Variants in NTRK2 observed in about 807,000 individuals in gnomAD.
NTRK2 encodes the protein BDNF/NT-3 growth factors receptor.
NTRK2 carries 13 observed loss-of-function variants against 94.5 expected under a neutral mutation model. That is an observed-to-expected ratio of 0.14 (90% CI 0.09 to 0.22). The LOEUF is 0.22. Among genes scored for constraint, NTRK2 ranks in the 10% least tolerant of loss-of-function variants. The probability of loss-of-function intolerance (pLI) is 1.00; values close to 1 mark genes in which losing one functional copy is unlikely to be tolerated. For missense variants in NTRK2, 639 were observed against 1,071.2 expected (o/e 0.60, Z 5.63); for synonymous variants, 372 against 407.4 (o/e 0.91, Z 1.05).
At chr9:84,710,966 T>G (rs2061384967) in intron 6 of NTRK2, among the ~76,000 whole-genome samples, 175 bp downstream of exon 6, 1 of 152,228 alleles carries the variant, frequency 6.6e-6, no homozygotes. Context: ...AGTAGAATAT[T>G]AATTCAGAGT....
At chr9:84,744,856 G>A (rs1353757043) in intron 10 of NTRK2, 117 bp from the exon 11 acceptor site, 2 of 817,410 alleles carry the variant, frequency 2.4e-6, no homozygotes, top group Non-Finnish European at 4.4e-6. Flanking sequence ...GACTGTCGGG[G>A]GTTTGGAATC....
chr9:84,715,801 C>A (rs2061677410), intron 6 of NTRK2, among the ~76,000 whole-genome samples: 1 of 152,094 alleles, frequency 6.6e-6, no homozygotes, highest in Admixed American at 6.5e-5. Context: ...CTGCTCAATT[C>A]CTGCACACTT....
intron 2 of NTRK2, among the ~76,000 whole-genome samples, chr9:84,685,054 C>T (rs140904565): frequency 6.6e-6 from 1 of 151,362 alleles, no homozygotes; most frequent in East Asian, 1.9e-4. Context: ...ATAAAATGAG[C>T]AATTTTATAT....
chr9:84,999,879 A>T (rs888931022), intron 17 of NTRK2, among the ~76,000 whole-genome samples: 2 of 152,070 alleles, frequency 1.3e-5, no homozygotes, highest in Non-Finnish European at 2.9e-5. Context: ...CCACACTTTC[A>T]TGTCCTCTGC....
intron 14 of NTRK2, among the ~76,000 whole-genome samples, chr9:84,914,255 T>C (rs915219051): frequency 1.3e-5 from 2 of 152,220 alleles, no homozygotes; most frequent in African/African-American, 2.4e-5. Context: ...TAATTGCTCA[T>C]TGAAGCATTT....
chr9:84,725,704 C>T (rs1013318293), intron 8 of NTRK2, among the ~76,000 whole-genome samples: 5 of 149,342 alleles, frequency 3.3e-5, no homozygotes, highest in Non-Finnish European at 5.9e-5. Flanking sequence ...TAGGGTCTCC[C>T]CAAATTATAT....
At chr9:84,697,752 G>A (rs2060475197) in intron 2 of NTRK2, among the ~76,000 whole-genome samples, 1 of 152,224 alleles carries the variant, frequency 6.6e-6, no homozygotes, top group Non-Finnish European at 1.5e-5. Context: ...TCCATGCGGA[G>A]GCTGTGGAGC....
At chr9:84,917,847 A>G (rs1000138287) in intron 14 of NTRK2, among the ~76,000 whole-genome samples, 6 of 152,192 alleles carry the variant, frequency 3.9e-5, no homozygotes, top group East Asian at 1.9e-4. Flanking sequence ...TCCTGTTTGC[A>G]TTGATTGCGT....
rs1307220299 is a variant in NTRK2, at chr9:85,023,195, A to G, written c.*1758A>G. The G allele has an allele frequency of 8.6e-6, 2 of 232,992 alleles. No individual in the cohort carries two copies. The highest frequency in any genetic ancestry group is 4.4e-5 in the African/African-American group (2 of 45,332). The allele number at this position is 232,992 out of a possible 1,614,324, so 14.4% of individuals were successfully genotyped here. A position where few individuals can be genotyped will look rare whatever the true frequency, so the allele number is the denominator to read the frequency against. On this transcript the variant is annotated 3_prime_UTR_variant, in exon 19 of 19. Coordinates refer to ENST00000277120, the MANE Select transcript of NTRK2 (RefSeq NM_006180.6). The stretch of plus-strand genomic sequence containing the variant: ...GCTATTTGAATGGTCAGATATACCA[A>G]GAAAGAAAAATATTTCTGTTCCTCA...
chr9:84,873,433 G>C, intron 14 of NTRK2: 1 of 1,059,464 alleles, frequency 9.4e-7, no homozygotes, highest in Non-Finnish European at 1.1e-6. Flanking sequence ...TCATCTCGTG[G>C]GAGCCTTCAT....
chr9:84,903,908 T>C (rs540197744), intron 14 of NTRK2, among the ~76,000 whole-genome samples: 1 of 152,304 alleles, frequency 6.6e-6, no homozygotes, highest in Non-Finnish European at 1.5e-5. Flanking sequence ...TTTAGGCTGT[T>C]CAAAACTAGT....
rs1833001763 is a variant in NTRK2 at position 85,025,729 on chromosome 9, CT to C, written c.*4295del. ...CAGGACTTTTATTTTCAATGTTGAC[CT>C]TTGGTTTGGCCATATATCACTGTTA... On this transcript the variant is annotated 3_prime_UTR_variant, in exon 19 of 19. Coordinates refer to ENST00000277120, the MANE Select transcript of NTRK2 (RefSeq NM_006180.6). 4.3e-6 allele frequency: 1 copy of C among 232,948 alleles called. No individual in the cohort carries two copies. Among genetic ancestry groups the C allele is most frequent in the South Asian group, 1.8e-4 (1 of 5,530 alleles). 14.4% of individuals were successfully genotyped at this position (232,948 alleles called of 1,614,324 possible). A position where few individuals can be genotyped will look rare whatever the true frequency, so the allele number is the denominator to read the frequency against.
At chr9:84,986,656 A>G (rs1012887713) in intron 17 of NTRK2, among the ~76,000 whole-genome samples, 4 of 151,922 alleles carry the variant, frequency 2.6e-5, no homozygotes, top group African/African-American at 9.7e-5. Context: ...GAAAAGTGTC[A>G]TGGTTGTTTA....
At chr9:84,815,698 A>G (rs888927095) in intron 12 of NTRK2, 1 of 1,009,294 alleles carries the variant, frequency 9.9e-7, no homozygotes, top group East Asian at 7.1e-5. Flanking sequence ...AAGTTTGATA[A>G]TTCATCTCCA....
intron 7 of NTRK2, 28 bp downstream of exon 7, chr9:84,723,737 A>G: frequency 6.2e-7 from 1 of 1,613,926 alleles, no homozygotes; most frequent in African/African-American, 1.3e-5. Flanking sequence ...CTGTGTCTTA[A>G]TAGAGAGACA....
At chr9:84,798,407 G>C (rs1369057291) in intron 12 of NTRK2, among the ~76,000 whole-genome samples, 1 of 152,146 alleles carries the variant, frequency 6.6e-6, no homozygotes, top group Non-Finnish European at 1.5e-5. Flanking sequence ...TTCTGTTTCT[G>C]TCTTCAGCTT....
intron 16 of NTRK2, among the ~76,000 whole-genome samples, chr9:84,948,865 A>G (rs1224722934): frequency 1.3e-5 from 2 of 152,256 alleles, no homozygotes; most frequent in Non-Finnish European, 2.9e-5. Context: ...AACTCAATTC[A>G]GTCCGCATTC....
chr9:84,813,985 A>G (rs1313453216), intron 12 of NTRK2: 4 of 1,065,290 alleles, frequency 3.8e-6, no homozygotes, highest in African/African-American at 3.3e-5. Flanking sequence ...TGTGACGACA[A>G]AAGTACAAAC....
chr9:84,793,295 C>CAA (rs112839690), intron 12 of NTRK2, among the ~76,000 whole-genome samples: 3,589 of 150,748 alleles, frequency 0.024, 140 homozygotes, highest in African/African-American at 0.082. Context: ...GAAAACAATC[C>CAA]AAAAAAAAAA....
Sources: allele counts gnomAD v4.1 joint callset (sites outside exome capture counted in the v4.1 genomes callset), GRCh38; gene constraint gnomAD v4.1.1; transcripts MANE v1.5; gene names NCBI Gene and HGNC (gene_info 2026-07-23, HGNC 2026-07-21).